The following GAP43 variants were observed in gnomAD, a reference collection of about 807,000 sequenced individuals.
GAP43 encodes growth associated protein 43.
GAP43 carries 6 observed loss-of-function variants against 18.6 expected under a neutral mutation model. That is an observed-to-expected ratio of 0.32 (90% CI 0.18 to 0.64). The LOEUF is 0.64. Ranked by LOEUF, GAP43 falls within the 30% of genes least tolerant of loss-of-function variation. GAP43 has a pLI of 0.78. For synonymous variants in GAP43, 115 were observed against 111.4 expected (o/e 1.03, Z -0.20); for missense variants, 292 against 295.5 (o/e 0.99, Z 0.09).
chr3:115,647,217 G>A (rs2107473280), intron 1 of GAP43, among the ~76,000 whole-genome samples: 1 of 152,068 alleles, frequency 6.6e-6, no homozygotes, highest in South Asian at 2.1e-4. Context: ...AACATGAGAA[G>A]GCTCGGTCTA....
At chr3:115,676,719 T>A in intron 2 of GAP43, 109 bp downstream of exon 2, 2 of 1,183,662 alleles carry the variant, frequency 1.7e-6, no homozygotes, top group Non-Finnish European at 2.3e-6. Context: ...CTAGAAGATG[T>A]TTTCCAGAAA....
At chr3:115,711,703 C>T (rs1255368231) in intron 2 of GAP43, among the ~76,000 whole-genome samples, 1 of 152,142 alleles carries the variant, frequency 6.6e-6, no homozygotes, top group Admixed American at 6.6e-5. Context: ...TTCCCTCCAA[C>T]CCCCAAACAA....
intron 1 of GAP43, among the ~76,000 whole-genome samples, chr3:115,629,260 T>C (rs555283596): frequency 6.6e-6 from 1 of 152,320 alleles, no homozygotes; most frequent in African/African-American, 2.4e-5. Context: ...GTTCTTTAGT[T>C]TACCTTGCAA....
intron 2 of GAP43, among the ~76,000 whole-genome samples, chr3:115,678,569 A>G (rs1341894382): frequency 2.6e-5 from 4 of 151,038 alleles, no homozygotes; most frequent in African/African-American, 9.8e-5. Context: ...TGAAATTTAA[A>G]TTATAGATAA....
chr3:115,651,031 C>G (rs1708513909), intron 1 of GAP43, among the ~76,000 whole-genome samples: 1 of 152,036 alleles, frequency 6.6e-6, no homozygotes, highest in Non-Finnish European at 1.5e-5. Flanking sequence ...ACTTGGGAGG[C>G]TGAGGTGGGA....
rs1708891556 is a variant in GAP43 at position 115,676,518 on chromosome 3, C to T, written c.536C>T (p.Ala179Val). ...CCTGCTGCTGTCACTGCTGCTGCTG[C>T]CACCACCCCTGCCGCAGAGGATGCT... ...DVPAAVTAAAATTPAAEDAAA... is the reference protein window; with the variant it reads ...DVPAAVTAAAVTTPAAEDAAA... The change falls in exon 2 of 3, where the codon GCC (alanine) becomes GTC (valine). Residue 179 changes from alanine (A) to valine (V), a missense_variant. Physicochemically the swap from Ala to Val is moderately conservative, Grantham distance 64. Coordinates refer to ENST00000305124, the MANE Select transcript of GAP43 (RefSeq NM_002045.4). 6.2e-7 allele frequency: 1 copy of T among 1,613,698 alleles called. No individual in the cohort carries two copies. Among genetic ancestry groups the T allele is most frequent in the Non-Finnish European group, 8.5e-7 (1 of 1,179,972 alleles).
At chr3:115,658,175 A>T (rs1559793712) in intron 1 of GAP43, among the ~76,000 whole-genome samples, 1 of 152,180 alleles carries the variant, frequency 6.6e-6, no homozygotes, top group African/African-American at 2.4e-5. Context: ...TAAAGAACTG[A>T]CACAAATCAT....
At position 115,646,912 on chromosome 3, in the gene GAP43, A is replaced by C. The variant is rs149464845; in HGVS notation, c.30+23193A>C. On this transcript the variant is annotated intron_variant, in intron 1 of 2. Coordinates refer to ENST00000305124, the MANE Select transcript of GAP43 (RefSeq NM_002045.4). ...ACCAACATGTATTTCCTGAACCCCTACAATGAACCAAAGTCTATTAGAGGT... is the reference window on the plus strand; with the variant it reads ...ACCAACATGTATTTCCTGAACCCCTCCAATGAACCAAAGTCTATTAGAGGT... Among the ~76,000 whole-genome samples the C allele has an allele frequency of 1.2e-4, 19 of 152,170 alleles. No homozygotes were observed. In the South Asian group the frequency reaches 1.7e-3, roughly 13 times the overall value.
At chr3:115,679,236 A>G (rs1303138882) in intron 2 of GAP43, among the ~76,000 whole-genome samples, 2 of 152,104 alleles carry the variant, frequency 1.3e-5, no homozygotes, top group African/African-American at 4.8e-5. Context: ...CTAAGAAAAT[A>G]ATTTCTGTGA....
intron 1 of GAP43, among the ~76,000 whole-genome samples, chr3:115,643,783 T>C (rs1708426962): frequency 6.6e-6 from 1 of 152,026 alleles, no homozygotes; most frequent in East Asian, 1.9e-4. Flanking sequence ...TATTACAATC[T>C]GCTGGCACCA....
intron 2 of GAP43, among the ~76,000 whole-genome samples, chr3:115,678,208 C>T (rs1708918485): frequency 6.6e-6 from 1 of 152,148 alleles, no homozygotes; most frequent in African/African-American, 2.4e-5. Context: ...GGTATGATGT[C>T]TGGAAATCAC....
chr3:115,718,863 C>T (rs1014354567), intron 2 of GAP43, among the ~76,000 whole-genome samples: 1 of 152,022 alleles, frequency 6.6e-6, no homozygotes, highest in African/African-American at 2.4e-5. Flanking sequence ...GAAGAAATTC[C>T]ATAAATTTGT....
chr3:115,679,012 T>C (rs2107491066), intron 2 of GAP43, among the ~76,000 whole-genome samples: 1 of 151,854 alleles, frequency 6.6e-6, no homozygotes, highest in South Asian at 2.1e-4. Context: ...AGGTCCAAAT[T>C]CCCAGGTGCC....
chr3:115,687,941 G>A (rs1324893328), intron 2 of GAP43, among the ~76,000 whole-genome samples: 3 of 151,998 alleles, frequency 2.0e-5, no homozygotes, highest in Non-Finnish European at 4.4e-5. Flanking sequence ...AATTTGACTT[G>A]TAGTATAAAC....
intron 1 of GAP43, among the ~76,000 whole-genome samples, chr3:115,642,603 T>C (rs1708410444): frequency 6.6e-6 from 1 of 152,108 alleles, no homozygotes; most frequent in South Asian, 2.1e-4. Flanking sequence ...TCTTCTTGTA[T>C]AGATGTGACT....
At chr3:115,646,541 G>C (rs1007519358) in intron 1 of GAP43, among the ~76,000 whole-genome samples, 11 of 152,040 alleles carry the variant, frequency 7.2e-5, no homozygotes, top group Admixed American at 3.9e-4. Context: ...ATAGGTGGGG[G>C]TTCAGAAGGG....
intron 1 of GAP43, among the ~76,000 whole-genome samples, chr3:115,662,903 T>A (rs1259705054): frequency 1.3e-5 from 2 of 152,212 alleles, no homozygotes; most frequent in East Asian, 3.8e-4. Context: ...ATTCAAAGAT[T>A]AGATTATTAT....
intron 1 of GAP43, among the ~76,000 whole-genome samples, chr3:115,646,708 G>T (rs748958680): frequency 4.6e-5 from 7 of 151,974 alleles, no homozygotes; most frequent in Non-Finnish European, 7.4e-5. Flanking sequence ...TTAGTAGATT[G>T]TCATTTCTTA....
chr3:115,680,849 C>T (rs995540378), intron 2 of GAP43, among the ~76,000 whole-genome samples: 12 of 152,114 alleles, frequency 7.9e-5, no homozygotes, highest in Admixed American at 6.5e-5. Flanking sequence ...TTTCCCAGAA[C>T]AATATTTTCC....
Sources: allele counts gnomAD v4.1 joint callset (sites outside exome capture counted in the v4.1 genomes callset), GRCh38; gene constraint gnomAD v4.1.1; transcripts MANE v1.5; gene names NCBI Gene and HGNC (gene_info 2026-07-23, HGNC 2026-07-21).